TEX11: variants seen among roughly 807,000 people sequenced by gnomAD.
TEX11 encodes testis-expressed protein 11.
In TEX11, 7 loss-of-function variants were observed where a neutral mutation model predicts 84.4. The observed-to-expected ratio is 0.08, with a 90% confidence interval of 0.05 to 0.16. The LOEUF (loss-of-function observed/expected upper bound fraction) is 0.16. Among genes scored for constraint, TEX11 ranks in the 10% least tolerant of loss-of-function variants. TEX11 has a pLI of 1.00. For missense variants in TEX11, 551 were observed against 660.5 expected (o/e 0.83, Z 1.82); for synonymous variants, 264 against 222.8 (o/e 1.18, Z -1.64).
intron 8 of TEX11, among the ~76,000 whole-genome samples, chrX:70,828,345 A>G (rs759710675): frequency 3.6e-5 from 4 of 110,924 alleles, no homozygotes; most frequent in African/African-American, 1.3e-4. Context: ...TTGAAATAAC[A>G]CAAAGAAGGA....
At chrX:70,822,039 CCT>C (rs964706759) in intron 8 of TEX11, among the ~76,000 whole-genome samples, 2 of 111,010 alleles carry the variant, frequency 1.8e-5, no homozygotes, top group African/African-American at 6.6e-5. Flanking sequence ...CAAACATCCT[CCT>C]ATATACTTTA....
intron 25 of TEX11, among the ~76,000 whole-genome samples, chrX:70,559,527 A>G (rs1481740225): frequency 8.9e-6 from 1 of 112,203 alleles, no homozygotes; most frequent in East Asian, 2.8e-4. Context: ...AGTGTATTGA[A>G]TTGTACACTT....
intron 28 of TEX11, among the ~76,000 whole-genome samples, chrX:70,547,490 A>C (rs1036241297): frequency 2.2e-4 from 24 of 111,531 alleles, no homozygotes; most frequent in African/African-American, 7.8e-4. Context: ...CAACCTACAG[A>C]ATGGGAGAAA....
In TEX11 at chrX:70,608,557, C is replaced by T. The variant is rs369900923; in HGVS notation, c.1879+534G>A. Among the ~76,000 whole-genome samples the T allele has an allele frequency of 8.3e-3, 905 of 109,399 alleles. 10 individuals are homozygous for T. Among genetic ancestry groups the T allele is most frequent in the African/African-American group, 0.029 (867 of 30,060 alleles). 95.0% of individuals were successfully genotyped at this position (109,399 alleles called of 115,157 possible). On this transcript the variant is annotated intron_variant, in intron 22 of 29. Coordinates refer to ENST00000374333, the MANE Select transcript of TEX11 (RefSeq NM_031276.3). ...GAGATCGAGACCATCCTGGCTAACA[C>T]GGTGAAACCCCATCTCTACTAAAAA...
At chrX:70,809,067 G>A (rs1174744457) in intron 8 of TEX11, among the ~76,000 whole-genome samples, 1 of 111,860 alleles carries the variant, frequency 8.9e-6, no homozygotes, top group Non-Finnish European at 1.9e-5. Flanking sequence ...AGTCAATGGA[G>A]GAGGAAAATC....
chrX:70,520,240 C>T, the TEX11 span, among the ~76,000 whole-genome samples: 3 of 112,071 alleles, frequency 2.7e-5, no homozygotes, highest in East Asian at 2.8e-4. Context: ...CTGGTTTCTC[C>T]CCATCTTTGT....
the TEX11 span, among the ~76,000 whole-genome samples, chrX:70,520,162 G>A: frequency 8.9e-6 from 1 of 111,774 alleles, no homozygotes; most frequent in Non-Finnish European, 1.9e-5. Context: ...TTCTGTTGCT[G>A]GCGAGGAGCT....
intron 28 of TEX11, among the ~76,000 whole-genome samples, chrX:70,538,952 A>T (rs1253959465): frequency 9.7e-6 from 1 of 103,552 alleles, no homozygotes; most frequent in Non-Finnish European, 2.0e-5. Flanking sequence ...GTAGAAGGCC[A>T]AACAAGAGAC....
At chrX:70,715,228 T>A (rs183515049) in intron 13 of TEX11, among the ~76,000 whole-genome samples, 1 of 108,565 alleles carries the variant, frequency 9.2e-6, no homozygotes, top group Non-Finnish European at 1.9e-5. Context: ...ACTTAACATT[T>A]TTTCCTTCAT....
At chrX:70,678,748 C>G in intron 15 of TEX11, 56 bp downstream of exon 15, 1 of 955,350 alleles carries the variant, frequency 1.0e-6, no homozygotes. Flanking sequence ...ATAGTGAATG[C>G]ACTATTTTTT....
chrX:70,614,187 T>C (rs1314180142), intron 20 of TEX11, among the ~76,000 whole-genome samples: 1 of 111,370 alleles, frequency 9.0e-6, no homozygotes, highest in Admixed American at 9.5e-5. Flanking sequence ...GGACTTTGTC[T>C]TATGCCTTAG....
intron 25 of TEX11, among the ~76,000 whole-genome samples, chrX:70,557,298 A>C (rs1170981092): frequency 1.2e-5 from 1 of 86,501 alleles, no homozygotes; most frequent in Non-Finnish European, 2.5e-5. Flanking sequence ...GCAGAATCCC[A>C]TCTCTATAAA....
At chrX:70,570,032 G>C (rs1752897458) in intron 25 of TEX11, among the ~76,000 whole-genome samples, 1 of 112,147 alleles carries the variant, frequency 8.9e-6, no homozygotes, top group African/African-American at 3.2e-5. Flanking sequence ...AGGCAGGCAG[G>C]CTTCCTCGAG....
At chrX:70,727,528 C>T (rs149816043) in intron 11 of TEX11, among the ~76,000 whole-genome samples, 293 of 112,159 alleles carry the variant, frequency 2.6e-3, no homozygotes, top group Non-Finnish European at 4.9e-3. Context: ...AAACACCATC[C>T]TGAATTTTGT....
At chrX:70,712,072 T>C (rs1440812210) in intron 13 of TEX11, among the ~76,000 whole-genome samples, 5 of 111,727 alleles carry the variant, frequency 4.5e-5, no homozygotes, top group African/African-American at 1.3e-4. Context: ...CTTGTTTTTG[T>C]CAGGTTTGTC....
At chrX:70,649,760 C>A (rs1354620601) in intron 17 of TEX11, among the ~76,000 whole-genome samples, 2 of 110,966 alleles carry the variant, frequency 1.8e-5, no homozygotes, top group African/African-American at 6.6e-5. Context: ...GGTGACAGAG[C>A]AAGACCCCAT....
chrX:70,518,752 T>A, the TEX11 span, among the ~76,000 whole-genome samples: 1 of 111,558 alleles, frequency 9.0e-6, no homozygotes, highest in Non-Finnish European at 1.9e-5. Context: ...TGTGTGGGAG[T>A]CTAAGTCTCT....
At chrX:70,572,565 G>A (rs1447522466) in intron 25 of TEX11, among the ~76,000 whole-genome samples, 4 of 110,313 alleles carry the variant, frequency 3.6e-5, no homozygotes, top group East Asian at 2.8e-4. Flanking sequence ...TGTTTATTGC[G>A]GCACTATTCA....
intron 25 of TEX11, among the ~76,000 whole-genome samples, chrX:70,557,805 A>C (rs1398585667): frequency 1.8e-5 from 2 of 111,859 alleles, no homozygotes; most frequent in South Asian, 3.8e-4. Flanking sequence ...AATCTTGAAA[A>C]CCAAGAATAA....
Sources: allele counts gnomAD v4.1 joint callset (sites outside exome capture counted in the v4.1 genomes callset), GRCh38; gene constraint gnomAD v4.1.1; transcripts MANE v1.5; gene names NCBI Gene and HGNC (gene_info 2026-07-23, HGNC 2026-07-21).